The following USP48 variants were observed in gnomAD, a reference collection of about 807,000 sequenced individuals.
USP48 encodes the protein ubiquitin specific peptidase 48, also known as ubiquitin carboxyl-terminal hydrolase 48.
A neutral mutation model predicts 150.7 loss-of-function variants in USP48; 43 were observed. That is an observed-to-expected ratio of 0.29 (90% CI 0.22 to 0.37). USP48 has a LOEUF of 0.37. Among genes scored for constraint, USP48 ranks in the 10% least tolerant of loss-of-function variants. The pLI is 1.00. For synonymous variants in USP48, 396 were observed against 425.9 expected (o/e 0.93, Z 0.86); for missense variants, 813 against 1,249.6 (o/e 0.65, Z 5.27).
At chr1:21,727,468 A>C (rs2097742026) in intron 11 of USP48, among the ~76,000 whole-genome samples, 1 of 152,224 alleles carries the variant, frequency 6.6e-6, no homozygotes. Flanking sequence ...TATAGTTCTA[A>C]AGAGTGGTTC....
chr1:21,702,853 A>G (rs1330680240), intron 21 of USP48, among the ~76,000 whole-genome samples: 6 of 152,212 alleles, frequency 3.9e-5, no homozygotes, highest in Non-Finnish European at 1.5e-5. Context: ...ACAGCCACAC[A>G]TGGCCAGTGA....
chr1:21,751,537 CTGTT>C lies in USP48; in HGVS notation c.740_743del (p.Lys247SerfsTer2). ...AAAATTCCGAGATACAATCTGTTAA[CTGTT>C]TGTGGCCTTGGATATTTAACTCCAG... On this transcript the variant is annotated frameshift_variant, in exon 6 of 27. Coordinates refer to ENST00000308271, the MANE Select transcript of USP48 (RefSeq NM_032236.8). LOFTEE classifies it high-confidence loss of function. 1 of 1,613,914 alleles carries C rather than the reference CTGTT, an allele frequency of 6.2e-7. No homozygotes were observed. Among genetic ancestry groups the C allele is most frequent in the Non-Finnish European group, 8.5e-7 (1 of 1,179,952 alleles).
intron 25 of USP48, among the ~76,000 whole-genome samples, chr1:21,682,026 G>C (rs2097567329): frequency 6.6e-6 from 1 of 152,110 alleles, no homozygotes; most frequent in South Asian, 2.1e-4. Context: ...CCATCTTCTA[G>C]GGCATCTTAT....
At chr1:21,756,875 C>A (rs1199809510) in intron 2 of USP48, 173 bp from the exon 3 acceptor site, 1 of 985,142 alleles carries the variant, frequency 1.0e-6, no homozygotes, top group Non-Finnish European at 1.2e-6. Flanking sequence ...TCATGAAAGC[C>A]CCATTTTGGG....
At chr1:21,721,538 C>A (rs2097720956) in intron 13 of USP48, 112 bp downstream of exon 13, 3 of 764,492 alleles carry the variant, frequency 3.9e-6, no homozygotes, top group Admixed American at 3.6e-5. Context: ...CACTTTATCA[C>A]CCTTCTTCTA....
At chr1:21,690,230 C>T (rs1326829146) in intron 23 of USP48, 131 bp from the exon 24 acceptor site, 4 of 1,060,680 alleles carry the variant, frequency 3.8e-6, no homozygotes, top group East Asian at 5.2e-5. Context: ...CTATTGTTTA[C>T]AGTCAGCCTA....
intron 14 of USP48, among the ~76,000 whole-genome samples, chr1:21,717,850 A>G (rs2097709000): frequency 6.6e-6 from 1 of 152,080 alleles, no homozygotes; most frequent in Non-Finnish European, 1.5e-5. Context: ...GCTACTCCGG[A>G]GGCTGAGCCC....
intron 25 of USP48, among the ~76,000 whole-genome samples, chr1:21,684,115 G>A (rs971028730): frequency 1.3e-5 from 2 of 152,142 alleles, no homozygotes; most frequent in African/African-American, 4.8e-5. Context: ...ATATCCTTTC[G>A]ATACACTGAT....
At chr1:21,761,535 A>G (rs977475714) in intron 1 of USP48, among the ~76,000 whole-genome samples, 1 of 152,186 alleles carries the variant, frequency 6.6e-6, no homozygotes, top group Non-Finnish European at 1.5e-5. Flanking sequence ...AATGTGTTAC[A>G]TATTCCAAAA....
At chr1:21,695,593 C>T (rs965702853) in intron 22 of USP48, among the ~76,000 whole-genome samples, 4 of 152,090 alleles carry the variant, frequency 2.6e-5, no homozygotes, top group African/African-American at 9.7e-5. Context: ...GCCTGTAGTC[C>T]CAGCTACTTG....
chr1:21,693,637 C>A (rs921981235), intron 23 of USP48, among the ~76,000 whole-genome samples: 1 of 152,218 alleles, frequency 6.6e-6, no homozygotes, highest in Non-Finnish European at 1.5e-5. Context: ...AAAAGCAGCA[C>A]AGGCTTTTAA....
chr1:21,739,273 C>T (rs1170282283), intron 8 of USP48, among the ~76,000 whole-genome samples: 3 of 151,912 alleles, frequency 2.0e-5, no homozygotes, highest in Non-Finnish European at 4.4e-5. Context: ...AATCCCAGCA[C>T]TTTGTGAGGC....
At chr1:21,727,931 T>A (rs960548033) in intron 11 of USP48, 1 of 984,828 alleles carries the variant, frequency 1.0e-6, no homozygotes, top group Non-Finnish European at 1.2e-6. Context: ...GGGGAATTCA[T>A]GTCTTTAAAA....
At chr1:21,685,329 CTTTT>C (rs555922788) in intron 25 of USP48, among the ~76,000 whole-genome samples, 1 of 136,386 alleles carries the variant, frequency 7.3e-6, no homozygotes, top group Admixed American at 7.3e-5. Context: ...GCTTTCTTTT[CTTTT>C]TTTTTTTTTT....
Position 21,748,126 on chromosome 1 carries a change from GCA to G in USP48, c.908+10_908+11del, listed in dbSNP as rs1244290407. 2.5e-6 allele frequency: 4 copies of G among 1,609,746 alleles called. No individual in the cohort carries two copies. Among genetic ancestry groups the G allele is most frequent in the Non-Finnish European group, 2.5e-6 (3 of 1,178,068 alleles). On this transcript the variant is annotated intron_variant, in intron 7 of 26. Transcript: ENST00000308271. ...CAATGAACAACAAACACTAATATTT[GCA>G]CACATTTACCTGTCAAAGACAAAAC...
chr1:21,749,393 G>T (rs1446158037), intron 6 of USP48, among the ~76,000 whole-genome samples: 1 of 152,012 alleles, frequency 6.6e-6, no homozygotes, highest in Non-Finnish European at 1.5e-5. Context: ...ATCCAGCCAC[G>T]ACTTCTTCCT....
At chr1:21,705,551 T>G (rs2152520314) in intron 19 of USP48, among the ~76,000 whole-genome samples, 176 bp downstream of exon 19, 1 of 152,270 alleles carries the variant, frequency 6.6e-6, no homozygotes, top group East Asian at 1.9e-4. Context: ...CCTCTTGTCT[T>G]TCCTGGAGAA....
chr1:21,679,960 C>T (rs1163806465), intron 26 of USP48, among the ~76,000 whole-genome samples: 1 of 152,296 alleles, frequency 6.6e-6, no homozygotes, highest in Non-Finnish European at 1.5e-5. Context: ...TCCAAAAGTG[C>T]TGGGATTACA....
rs988596786 is a variant in USP48, at chr1:21,774,621, A to G, written c.134+8203T>C. ...AGAATTGCTTGAACCCGGGAGGCAG[A>G]GGTTGCAGTGAGACGAGATTGCACC... is the stretch of plus-strand genomic sequence containing the variant. On this transcript the variant is annotated intron_variant, in intron 1 of 26. Coordinates refer to ENST00000308271, the MANE Select transcript of USP48 (RefSeq NM_032236.8). 2.6e-5 allele frequency among the ~76,000 whole-genome samples: 4 copies of G among 151,998 alleles called. No homozygotes were observed. In the East Asian group the frequency reaches 7.7e-4, roughly 29 times the overall value.
Sources: gnomAD v4.1 joint callset for allele counts (sites outside exome capture counted in the v4.1 genomes callset) on GRCh38, gnomAD v4.1.1 for gene constraint, MANE v1.5 for transcripts, NCBI Gene and HGNC (gene_info 2026-07-23, HGNC 2026-07-21) for gene names.